The following DGKH variants were observed in gnomAD, a reference collection of about 807,000 sequenced individuals.
DGKH encodes DAG kinase eta.
A neutral mutation model predicts 159.3 loss-of-function variants in DGKH; 90 were observed. The observed-to-expected ratio is 0.57, with a 90% CI of 0.48 to 0.67. DGKH has a LOEUF of 0.67. Among genes scored for constraint, DGKH ranks in the 30% least tolerant of loss-of-function variants. The pLI, the probability that DGKH is intolerant of heterozygous loss-of-function variation, is 0.00. For missense variants in DGKH, 1,181 were observed against 1,506.1 expected (o/e 0.78, Z 3.57); for synonymous variants, 536 against 553.8 (o/e 0.97, Z 0.45).
At chr13:42,198,627 G>T in intron 18 of DGKH, 32 bp downstream of exon 18, 2 of 1,536,886 alleles carry the variant, frequency 1.3e-6, no homozygotes, top group Non-Finnish European at 1.8e-6. Context: ...TATTTTGTTT[G>T]GGTTTTTCTT....
At chr13:42,255,268 AGAAT>A (rs1462670309) in intron 30 of DGKH, among the ~76,000 whole-genome samples, 13 of 152,064 alleles carry the variant, frequency 8.5e-5, no homozygotes, top group African/African-American at 2.9e-4. Context: ...ATATTTTATG[AGAAT>A]GAATGGAGAT....
intron 1 of DGKH, among the ~76,000 whole-genome samples, chr13:42,061,976 A>AGTGTGCGTGTGG (rs1555256115): frequency 5.0e-4 from 39 of 78,480 alleles, no homozygotes; most frequent in African/African-American, 1.3e-3. Flanking sequence ...AAAGATGGAG[A>AGTGTGCGTGTGG]GTGTGTGTGT....
chr13:42,112,187 A>G (rs1047229218), intron 1 of DGKH, among the ~76,000 whole-genome samples: 2 of 152,238 alleles, frequency 1.3e-5, no homozygotes, highest in Non-Finnish European at 2.9e-5. Context: ...TTGTGAATGA[A>G]AACAGACTAT....
At chr13:42,076,822 C>T (rs966547367) in intron 1 of DGKH, among the ~76,000 whole-genome samples, 2 of 152,134 alleles carry the variant, frequency 1.3e-5, no homozygotes, top group Non-Finnish European at 2.9e-5. Context: ...CTGCTTGAAT[C>T]TGCTAATTAA....
intron 3 of DGKH, among the ~76,000 whole-genome samples, chr13:42,141,644 T>C (rs1594083311): frequency 6.6e-6 from 1 of 152,366 alleles, no homozygotes; most frequent in East Asian, 1.9e-4. Flanking sequence ...ATTTCTCTGA[T>C]GGCCAGTATT....
At position 42,196,377 on chromosome 13, in the gene DGKH, C is replaced by A. The variant is rs188438404; in HGVS notation, c.2167+1361C>A. ...CTATTTATAGCAGCATTCACAATAG[C>A]CCCAAAGTGGAAGCAACCCAAACAT... On this transcript the variant is annotated intron_variant, in intron 17 of 29. Coordinates refer to ENST00000337343, the MANE Select transcript of DGKH (RefSeq NM_178009.5). Among the ~76,000 whole-genome samples, 35 of 152,222 alleles carry A rather than the reference C, an allele frequency of 2.3e-4. No individual in the cohort carries two copies. In the East Asian group the frequency reaches 6.7e-3, roughly 29 times the overall value.
At chr13:42,091,822 A>C (rs1954424785) in intron 1 of DGKH, among the ~76,000 whole-genome samples, 1 of 152,246 alleles carries the variant, frequency 6.6e-6, no homozygotes, top group Non-Finnish European at 1.5e-5. Flanking sequence ...ATATGGAAAA[A>C]TGCTCAACAT....
intron 1 of DGKH, chr13:42,069,211 A>C: frequency 8.2e-7 from 1 of 1,223,946 alleles, no homozygotes; most frequent in South Asian, 1.5e-5. Flanking sequence ...GAACTTGTCT[A>C]AGTAACTAGT....
At chr13:42,198,406 G>T (rs897030989) in intron 17 of DGKH, 72 bp from the exon 18 acceptor site, 3 of 1,317,368 alleles carry the variant, frequency 2.3e-6, no homozygotes, top group Admixed American at 1.9e-5. Context: ...TTGATATCAG[G>T]CCTGGATGGA....
rs1375938900 is a variant in DGKH at position 42,232,409 on chromosome 13, A to G, written c.*3221A>G. 6.6e-6 allele frequency: 1 copy of G among 152,128 alleles called. No individual in the cohort carries two copies. Among genetic ancestry groups the G allele is most frequent in the East Asian group, 1.9e-4 (1 of 5,192 alleles). The allele number at this position is 152,128 out of a possible 1,614,324, so 9.4% of individuals were successfully genotyped here. A position where few individuals can be genotyped will look rare whatever the true frequency, so the allele number is the denominator to read the frequency against. ...GAGGAAAGGGACAGAATCAGACCTA[A>G]ATAAAATTCCTGAGTATGCAATATT... On this transcript the variant is annotated 3_prime_UTR_variant, in exon 30 of 30. Coordinates refer to ENST00000337343, the MANE Select transcript of DGKH (RefSeq NM_178009.5).
At chr13:42,248,485 T>C (rs935044328) in intron 29 of DGKH, among the ~76,000 whole-genome samples, 5 of 147,060 alleles carry the variant, frequency 3.4e-5, no homozygotes. Context: ...ATATATAATA[T>C]TATATATATA....
intron 7 of DGKH, among the ~76,000 whole-genome samples, chr13:42,164,622 A>G (rs922603992): frequency 2.0e-5 from 3 of 152,220 alleles, no homozygotes; most frequent in African/African-American, 7.2e-5. Context: ...TACACAAACT[A>G]AATTGCCTGG....
At chr13:42,048,531 G>A (rs1393424087), upstream of DGKH, among the ~76,000 whole-genome samples, 1 of 152,152 alleles carries the variant, frequency 6.6e-6, no homozygotes, top group Non-Finnish European at 1.5e-5. The surrounding 1 kb of genome is among the most constrained non-coding windows in gnomAD (Gnocchi z 6.7). Context: ...GCGGGGGTCC[G>A]TTACCTCTGC....
chr13:42,172,146 G>A (rs1956475563), intron 11 of DGKH, among the ~76,000 whole-genome samples: 1 of 149,066 alleles, frequency 6.7e-6, no homozygotes, highest in Admixed American at 6.7e-5. Flanking sequence ...TTGAGATAGA[G>A]TTTCGCTCTG....
intron 2 of DGKH, among the ~76,000 whole-genome samples, chr13:42,129,305 G>A (rs1955239186): frequency 1.3e-5 from 2 of 152,166 alleles, no homozygotes; most frequent in Admixed American, 6.5e-5. Flanking sequence ...CTTCCAGAGA[G>A]CACAGCACAT....
intron 29 of DGKH, among the ~76,000 whole-genome samples, chr13:42,223,578 A>G (rs936915921): frequency 6.6e-6 from 1 of 151,976 alleles, no homozygotes; most frequent in African/African-American, 2.4e-5. Flanking sequence ...GGCTAACACA[A>G]TGAAACCCCA....
chr13:42,203,268 G>A (rs926399698), intron 20 of DGKH, among the ~76,000 whole-genome samples: 3 of 152,120 alleles, frequency 2.0e-5, no homozygotes, highest in African/African-American at 7.2e-5. Flanking sequence ...TTATTATTCA[G>A]TTCGGAAGAG....
chr13:42,051,832 A>AT (rs1881340927), intron 1 of DGKH, among the ~76,000 whole-genome samples: 1 of 151,622 alleles, frequency 6.6e-6, no homozygotes, highest in Non-Finnish European at 1.5e-5. Context: ...CACCCAGCTA[A>AT]TTTTTTATTT....
At chr13:42,059,541 C>T (rs1353523260) in intron 1 of DGKH, among the ~76,000 whole-genome samples, 3 of 152,078 alleles carry the variant, frequency 2.0e-5, no homozygotes, top group African/African-American at 7.2e-5. Context: ...TGACCCACCG[C>T]GCCTGGCCTT....
Sources: gnomAD v4.1 joint callset for allele counts (sites outside exome capture counted in the v4.1 genomes callset) on GRCh38, gnomAD v4.1.1 for gene constraint, Gnocchi (gnomAD v3.1) non-coding constraint, MANE v1.5 for transcripts, NCBI Gene and HGNC (gene_info 2026-07-23, HGNC 2026-07-21) for gene names.